Variants in TRIM21 observed in about 807,000 individuals in gnomAD.
TRIM21 encodes E3 ubiquitin-protein ligase TRIM21.
In TRIM21, 35 loss-of-function variants were observed where a neutral mutation model predicts 36.1. The observed-to-expected ratio is 0.97, with a 90% CI of 0.74 to 1.28. The LOEUF (loss-of-function observed/expected upper bound fraction) is 1.28, where lower values mean the gene tolerates loss of function less well. TRIM21 is among the 50% of genes most tolerant of loss of function. The pLI is 0.00. For missense variants in TRIM21, 635 were observed against 570.7 expected (o/e 1.11, Z -1.15); for synonymous variants, 256 against 211.5 (o/e 1.21, Z -1.83).
At position 4,386,203 on chromosome 11, in the gene TRIM21, A is replaced by G. The variant is rs1257979904; in HGVS notation, c.813T>C (p.Ser271=). 1.2e-6 allele frequency: 2 copies of G among 1,613,250 alleles called. No individual in the cohort carries two copies. Among genetic ancestry groups the G allele is most frequent in the African/African-American group, 2.7e-5 (2 of 74,726 alleles). ...DLDITSPELR[S]VCHVPGLKKM... is the part of the protein sequence containing the mutation. Reference sequence around the variant, plus strand: ...TCTTCAGCCCTGGCACATGGCACACACTCCTGAGTTCTGGAGAGGTAATAT... The same window carrying G: ...TCTTCAGCCCTGGCACATGGCACACGCTCCTGAGTTCTGGAGAGGTAATAT... Residue 271 remains serine (S), a synonymous_variant, in exon 6 of 7, where the codon AGT becomes AGC. Coordinates refer to ENST00000254436, the MANE Select transcript of TRIM21 (RefSeq NM_003141.4).
Position 4,390,111 on chromosome 11 carries a change from T to C in TRIM21, c.299A>G (p.His100Arg), listed in dbSNP as rs766328253. The C allele has an allele frequency of 3.6e-5, 58 of 1,613,808 alleles. No individual in the cohort carries two copies. The highest frequency in any genetic ancestry group is 4.6e-5 in the Non-Finnish European group (54 of 1,179,888). ...ERCAVHGERL[H>R]LFCEKDGKAL... Reference sequence around the variant, plus strand: ...CTTCCCATCTTTCTCACAGAACAGGTGAAGTCTCTCTCCATGCACTGCACA... The same window carrying C: ...CTTCCCATCTTTCTCACAGAACAGGCGAAGTCTCTCTCCATGCACTGCACA... The change falls in exon 2 of 7, where the codon CAC (histidine) becomes CGC (arginine). Residue 100 changes from histidine to arginine, a missense_variant. Physicochemically the swap from His to Arg is conservative, Grantham distance 29. Coordinates refer to ENST00000254436, the MANE Select transcript of TRIM21 (RefSeq NM_003141.4).
At position 4,385,436 on chromosome 11, in the gene TRIM21, T is replaced by C. The variant is rs1248617484; in HGVS notation, c.1277A>G (p.His426Arg). 2.0e-5 allele frequency: 33 copies of C among 1,613,370 alleles called. No individual in the cohort carries two copies. Among genetic ancestry groups the C allele is most frequent in the Non-Finnish European group, 2.8e-5 (33 of 1,179,734 alleles). Reference sequence around the variant, plus strand: ...AGAGAAGGAGTAGATGAGGGAGCCATGGTCAGTGATGTTGTAGAAGGAGAC... The same window carrying C: ...AGAGAAGGAGTAGATGAGGGAGCCACGGTCAGTGATGTTGTAGAAGGAGAC... ...GMVSFYNITD[H>R]GSLIYSFSEC... The change falls in exon 7 of 7, where the codon CAT becomes CGT. Residue 426 changes from histidine (H) to arginine (R), a missense_variant. Coordinates refer to ENST00000254436, the MANE Select transcript of TRIM21 (RefSeq NM_003141.4).
rs1172924939 is a variant in TRIM21 at position 4,390,454 on chromosome 11, T to C, written c.-45A>G. 6.5e-7 allele frequency: 1 copy of C among 1,535,618 alleles called. No homozygotes were observed. The highest frequency in any genetic ancestry group is 8.8e-7 in the Non-Finnish European group (1 of 1,138,070). Reference sequence around the variant, plus strand: ...CAGCAGTGTGGAGACCTTTAGGGGGTTTGGCTGGGAGAGAAGAAGAAAGGG... The same window carrying C: ...CAGCAGTGTGGAGACCTTTAGGGGGCTTGGCTGGGAGAGAAGAAGAAAGGG... On this transcript the variant is annotated 5_prime_UTR_variant, in exon 2 of 7. Coordinates refer to ENST00000254436, the MANE Select transcript of TRIM21 (RefSeq NM_003141.4).
Position 4,390,045 on chromosome 11 carries a change from T to A in TRIM21, c.365A>T (p.Asp122Val). The A allele has an allele frequency of 6.2e-7, 1 of 1,613,982 alleles. No homozygotes were observed. ...CTCCTCAAGAGGGACCATGGCGTGGTCACGGTGTTTCCGAGACTGGGCACA... is the reference window on the plus strand; with the variant it reads ...CTCCTCAAGAGGGACCATGGCGTGGACACGGTGTTTCCGAGACTGGGCACA... The part of the protein sequence containing the change: ...WVCAQSRKHR[D>V]HAMVPLEEAA... The change falls in exon 2 of 7, where the codon GAC becomes GTC. Residue 122 changes from aspartate (D) to valine (V), a missense_variant. By Grantham distance (152) the Asp-to-Val change is radical (BLOSUM62 -3). Transcript: ENST00000254436.
At position 4,385,149 on chromosome 11, in the gene TRIM21, C is replaced by G. The variant is rs1325324747; in HGVS notation, c.*136G>C. On this transcript the variant is annotated 3_prime_UTR_variant, in exon 7 of 7. Coordinates refer to ENST00000254436, the MANE Select transcript of TRIM21 (RefSeq NM_003141.4). Reference sequence around the variant, plus strand: ...GAATGTTGATGGTGAAGTGACTTCCCTGCTAAAGCTCGCTTGCTGGGATCC... The same window carrying G: ...GAATGTTGATGGTGAAGTGACTTCCGTGCTAAAGCTCGCTTGCTGGGATCC... The G allele has an allele frequency of 1.3e-5, 11 of 815,382 alleles. No individual in the cohort carries two copies. In the Admixed American group the frequency reaches 3.0e-4, roughly 22 times the overall value. 50.5% of individuals were successfully genotyped at this position (815,382 alleles called of 1,614,324 possible).
At chr11:4,390,502 G>A in intron 1 of TRIM21, 44 bp from the exon 2 acceptor site, 1 of 1,359,514 alleles carries the variant, frequency 7.4e-7, no homozygotes, top group East Asian at 2.4e-5. Flanking sequence ...GAGAAAGTCT[G>A]TGTAAGAAAA....
At position 4,386,170 on chromosome 11, in the gene TRIM21, C is replaced by T. The variant is rs377387654; in HGVS notation, c.846G>A (p.Leu282=). Residue 282 remains leucine, a synonymous_variant, in exon 6 of 7, where the codon CTG becomes CTA. Transcript: ENST00000254436. The part of the protein sequence containing the change: ...VCHVPGLKKM[L]RTCAVHITLD... The stretch of plus-strand genomic sequence containing the variant: ...AACTTGCCTCACCTGCACATGTCCT[C>T]AGCATCTTCTTCAGCCCTGGCACAT... 1.2e-6 allele frequency: 2 copies of T among 1,613,340 alleles called. No homozygotes were observed. Among genetic ancestry groups the T allele is most frequent in the Non-Finnish European group, 1.7e-6 (2 of 1,179,852 alleles).
intron 1 of TRIM21, among the ~76,000 whole-genome samples, chr11:4,390,760 A>C (rs1258065134): frequency 6.6e-6 from 1 of 152,216 alleles, no homozygotes; most frequent in Non-Finnish European, 1.5e-5. Context: ...AAGAACCCAG[A>C]AACAAATCTG....
chr11:4,391,954 G>T (rs150067844), intron 1 of TRIM21, among the ~76,000 whole-genome samples: 1 of 152,124 alleles, frequency 6.6e-6, no homozygotes, highest in African/African-American at 2.4e-5. Context: ...GGGTCTGTGT[G>T]TGGGGGAGAA....
Position 4,388,359 on chromosome 11 carries a change from G to T in TRIM21, c.676C>A (p.Gln226Lys), listed in dbSNP as rs369388803. The change falls in exon 4 of 7, where the codon CAG (glutamine) becomes AAG (lysine). Residue 226 changes from glutamine to lysine, a missense_variant. Transcript: ENST00000254436. Reference sequence around the variant, plus strand: ...CGATCTAGCTCTGAGATGAGCTCCTGTAGGGCCTGGCTCTGCTGGGCCAGC... The same window carrying T: ...CGATCTAGCTCTGAGATGAGCTCCTTTAGGGCCTGGCTCTGCTGGGCCAGC... The part of the protein sequence containing the change: ...AKLAQQSQAL[Q>K]ELISELDRRC... 6.2e-7 allele frequency: 1 copy of T among 1,613,852 alleles called. No individual in the cohort carries two copies. Among genetic ancestry groups the T allele is most frequent in the African/African-American group, 1.3e-5 (1 of 74,920 alleles).
chr11:4,386,101 A>G lies in TRIM21; in HGVS notation c.859+56T>C, dbSNP rs149584040. The G allele has an allele frequency of 4.4e-4, 683 of 1,556,014 alleles. 4 individuals carry two copies. In the African/African-American group the frequency reaches 8.0e-3, roughly 18 times the overall value. ...TCCAAGTTGCCATCCAGGCTCCCTGACCCTGGGATCTACTCTGCACCCCAT... is the reference window on the plus strand; with the variant it reads ...TCCAAGTTGCCATCCAGGCTCCCTGGCCCTGGGATCTACTCTGCACCCCAT... On this transcript the variant is annotated intron_variant, in intron 6 of 6. Transcript: ENST00000254436.
intron 5 of TRIM21, among the ~76,000 whole-genome samples, chr11:4,386,636 T>C (rs1392104333): frequency 6.6e-6 from 1 of 152,190 alleles, no homozygotes; most frequent in Non-Finnish European, 1.5e-5. Context: ...GGGAGGTAAC[T>C]GGTTAGATTC....
rs1590836714 is a variant in TRIM21 at position 4,388,167 on chromosome 11, T to C, written c.735+133A>G. On this transcript the variant is annotated intron_variant, in intron 4 of 6. Coordinates refer to ENST00000254436, the MANE Select transcript of TRIM21 (RefSeq NM_003141.4). ...TTGCGTCTTGAACGCGAACCTTTCA[T>C]GGGTTTGAATTCTACTTCATTTAAG... The C allele has an allele frequency of 3.8e-6, 3 of 790,664 alleles. No individual in the cohort carries two copies. In the East Asian group the frequency reaches 8.0e-5, roughly 21 times the overall value. The allele number at this position is 790,664 out of a possible 1,614,324, so 49.0% of individuals were successfully genotyped here.
Position 4,388,357 on chromosome 11 carries a change from C to CT in TRIM21, c.677dup (p.Glu227GlyfsTer29). On this transcript the variant is annotated frameshift_variant, in exon 4 of 7. Transcript: ENST00000254436. LOFTEE classifies it high-confidence loss of function. The stretch of plus-strand genomic sequence containing the variant: ...TTCGATCTAGCTCTGAGATGAGCTC[C>CT]TGTAGGGCCTGGCTCTGCTGGGCCA... 6.2e-7 allele frequency: 1 copy of CT among 1,614,010 alleles called. No homozygotes were observed. The highest frequency in any genetic ancestry group is 8.5e-7 in the Non-Finnish European group (1 of 1,179,896).
At position 4,385,121 on chromosome 11, in the gene TRIM21, C is replaced by T. The variant is rs1480891504; in HGVS notation, c.*164G>A. Reference sequence around the variant, plus strand: ...GAGGGAATCACAAAGCCATCTGGGGCAGGAATGTTGATGGTGAAGTGACTT... The same window carrying T: ...GAGGGAATCACAAAGCCATCTGGGGTAGGAATGTTGATGGTGAAGTGACTT... On this transcript the variant is annotated 3_prime_UTR_variant, in exon 7 of 7. Transcript: ENST00000254436. 4.7e-6 allele frequency: 3 copies of T among 634,204 alleles called. No homozygotes were observed. Among genetic ancestry groups the T allele is most frequent in the East Asian group, 2.8e-5 (1 of 35,456 alleles). The allele number at this position is 634,204 out of a possible 1,614,324, so 39.3% of individuals were successfully genotyped here. A position where few individuals can be genotyped will look rare whatever the true frequency, so the allele number is the denominator to read the frequency against.
rs1341367198 is a variant in TRIM21 at position 4,389,682 on chromosome 11, T to G, written c.476A>C (p.Glu159Ala). 1 of 1,613,844 alleles carries G rather than the reference T, an allele frequency of 6.2e-7. No individual in the cohort carries two copies. Among genetic ancestry groups the G allele is most frequent in the African/African-American group, 1.3e-5 (1 of 74,922 alleles). Residue 159 changes from glutamate (E) to alanine (A), a missense_variant, in exon 3 of 7, where the codon GAA becomes GCA. Glu to Ala is a moderately radical substitution (Grantham distance 107). Coordinates refer to ENST00000254436, the MANE Select transcript of TRIM21 (RefSeq NM_003141.4). ...CCAGTCTGCTCTCTTTATTGCAATT[T>G]CCACTTCCAACTTCTCAGCCAACTC... is the stretch of plus-strand genomic sequence containing the variant. Reference protein sequence around the residue: ...KQELAEKLEVEIAIKRADWKK... With the variant: ...KQELAEKLEVAIAIKRADWKK...
chr11:4,386,129 T>TC (rs745775287), intron 6 of TRIM21, 28 bp downstream of exon 6: 1 of 1,606,562 alleles, frequency 6.2e-7, no homozygotes, highest in Admixed American at 1.7e-5. Flanking sequence ...CACCCCATTA[T>TC]CCCCCGCAAA....
intron 4 of TRIM21, among the ~76,000 whole-genome samples, chr11:4,387,961 A>T (rs2599587): frequency 7.9e-5 from 12 of 152,120 alleles, no homozygotes; most frequent in South Asian, 2.1e-4. Flanking sequence ...GACCACTCTG[A>T]GTGACACTGA....
chr11:4,385,532 G>C lies in TRIM21; in HGVS notation c.1181C>G (p.Pro394Arg). Residue 394 changes from proline to arginine, a missense_variant, in exon 7 of 7, where the codon CCC becomes CGC. Pro to Arg is a moderately radical substitution (Grantham distance 103, BLOSUM62 -2). Coordinates refer to ENST00000254436, the MANE Select transcript of TRIM21 (RefSeq NM_003141.4). ...NKQKYEAGTYPQTPLHLQVPP... is the reference protein window; with the variant it reads ...NKQKYEAGTYRQTPLHLQVPP... The stretch of plus-strand genomic sequence containing the variant: ...CACCTGAAGGTGGAGGGGAGTCTGG[G>C]GGTAGGTGCCAGCCTCATATTTTTG... 1 of 1,611,934 alleles carries C rather than the reference G, an allele frequency of 6.2e-7. No homozygotes were observed. Among genetic ancestry groups the C allele is most frequent in the Non-Finnish European group, 8.5e-7 (1 of 1,179,030 alleles).
Sources: allele counts gnomAD v4.1 joint callset (sites outside exome capture counted in the v4.1 genomes callset), GRCh38; gene constraint gnomAD v4.1.1; transcripts MANE v1.5; gene names NCBI Gene and HGNC (gene_info 2026-07-23, HGNC 2026-07-21).